Variants in ZIM2 observed in about 807,000 individuals in gnomAD.
ZIM2 encodes zinc finger protein 656.
ZIM2 carries 14 observed loss-of-function variants against 38.6 expected under a neutral mutation model. That is an observed-to-expected ratio of 0.36 (90% CI 0.24 to 0.57). The LOEUF (loss-of-function observed/expected upper bound fraction) is 0.57. Ranked by LOEUF, ZIM2 falls within the 20% of genes least tolerant of loss-of-function variation. The pLI, the probability that ZIM2 is intolerant of heterozygous loss-of-function variation, is 0.81. For missense variants in ZIM2, 680 were observed against 695.1 expected (o/e 0.98, Z 0.24); for synonymous variants, 247 against 245.8 (o/e 1.00, Z -0.04).
intron 12 of ZIM2, among the ~76,000 whole-genome samples, chr19:56,778,586 A>C (rs1156890713): frequency 1.3e-5 from 2 of 152,212 alleles, no homozygotes; most frequent in African/African-American, 4.8e-5. Flanking sequence ...AAAAAAATGC[A>C]TCTAGGATTT....
At position 56,815,681 on chromosome 19, in the gene ZIM2, C is replaced by T. The variant is rs752285045; in HGVS notation, c.490+2065G>A. 8.7e-6 allele frequency: 14 copies of T among 1,613,984 alleles called. No homozygotes were observed. The Admixed American group carries it at 1.0e-4, about 12-fold the overall frequency. ...ACATTTGAGCTGGGAACAGAGAATT[C>T]GCCATCCTTCTTAAACTCACCAGAT... On this transcript the variant is annotated intron_variant, in intron 9 of 12. Transcript: ENST00000629319.
Position 56,814,213 on chromosome 19 carries a change from T to C in ZIM2, c.490+3533A>G. On this transcript the variant is annotated intron_variant, in intron 9 of 12. Transcript: ENST00000629319. The surrounding 1 kb of genome is among the most constrained non-coding windows in gnomAD (Gnocchi z 5.8). ...TGGCTCAGCAGCCTCCACTTCTGGC[T>C]CAGCAGCCTCCACTTCTGGCTCGGC... 1 of 1,613,594 alleles carries C rather than the reference T, an allele frequency of 6.2e-7. No individual in the cohort carries two copies. The highest frequency in any genetic ancestry group is 8.5e-7 in the Non-Finnish European group (1 of 1,179,826).
rs568262074 is a variant in ZIM2, at chr19:56,814,235, C to G, written c.490+3511G>C. The G allele has an allele frequency of 2.5e-6, 4 of 1,612,858 alleles. No homozygotes were observed. The Admixed American group carries it at 6.7e-5, about 27-fold the overall frequency. On this transcript the variant is annotated intron_variant, in intron 9 of 12. Coordinates refer to ENST00000629319, the MANE Select transcript of ZIM2 (RefSeq NM_001387356.1). The surrounding 1 kb of genome is among the most constrained non-coding windows in gnomAD (Gnocchi z 5.8). ...GGCTCAGCAGCCTCCACTTCTGGCT[C>G]GGCAGCCTCCACTTCTGGCTCAGCA... is the stretch of plus-strand genomic sequence containing the variant.
At position 56,815,361 on chromosome 19, in the gene ZIM2, C is replaced by T. The variant is rs762269494; in HGVS notation, c.490+2385G>A. 6 of 1,614,212 alleles carry T rather than the reference C, an allele frequency of 3.7e-6. No individual in the cohort carries two copies. In the South Asian group the frequency reaches 4.4e-5, roughly 12 times the overall value. ...AGTCCTTACATTTGTTCCGCGCTTG[C>T]TCTTTAGCATACTGCTCTTGGGCGT... is the stretch of plus-strand genomic sequence containing the variant. On this transcript the variant is annotated intron_variant, in intron 9 of 12. Coordinates refer to ENST00000629319, the MANE Select transcript of ZIM2 (RefSeq NM_001387356.1).
chr19:56,828,604 G>A, intron 2 of ZIM2, among the ~76,000 whole-genome samples: 1 of 152,186 alleles, frequency 6.6e-6, no homozygotes, highest in Admixed American at 6.5e-5. Context: ...CAACTTTTCT[G>A]CACTATAAAA....
At chr19:56,832,402 G>A (rs758819985) in intron 2 of ZIM2, among the ~76,000 whole-genome samples, 1 of 152,158 alleles carries the variant, frequency 6.6e-6, no homozygotes, top group Admixed American at 6.5e-5. Flanking sequence ...CACGCATCAA[G>A]CTCCACACCC....
In ZIM2 at chr19:56,817,509, G is replaced by A. The variant is rs35291043; in HGVS notation, c.490+237C>T. The A allele has an allele frequency of 1.3e-3, 2,052 of 1,609,858 alleles. 26 individuals carry two copies. In the African/African-American group the frequency reaches 0.023, roughly 18 times the overall value. Reference sequence around the variant, plus strand: ...TGATGAATTTTTCCATTATCACTCCGTGGGAAGATTCATCTTCACAAATCC... The same window carrying A: ...TGATGAATTTTTCCATTATCACTCCATGGGAAGATTCATCTTCACAAATCC... On this transcript the variant is annotated intron_variant, in intron 9 of 12. Coordinates refer to ENST00000629319, the MANE Select transcript of ZIM2 (RefSeq NM_001387356.1).
intron 9 of ZIM2, among the ~76,000 whole-genome samples, chr19:56,795,927 A>C (rs1214588278): frequency 6.6e-6 from 1 of 152,230 alleles, no homozygotes; most frequent in African/African-American, 2.4e-5. Flanking sequence ...GAACTTGAGG[A>C]TAAGTGGTAA....
intron 9 of ZIM2, chr19:56,812,648 C>T: frequency 3.0e-6 from 3 of 985,640 alleles, no homozygotes; most frequent in Non-Finnish European, 3.6e-6. Context: ...TATTAGCCTG[C>T]AACATTATTT....
chr19:56,824,148 C>T (rs2146356707), intron 4 of ZIM2, 114 bp downstream of exon 4: 1 of 1,492,176 alleles, frequency 6.7e-7, no homozygotes. Flanking sequence ...ATCCCCACCG[C>T]TGCCCAGGAC....
chr19:56,827,987 CTTTTGTT>C (rs1271474416), intron 2 of ZIM2, among the ~76,000 whole-genome samples: 2 of 152,150 alleles, frequency 1.3e-5, no homozygotes, highest in Non-Finnish European at 2.9e-5. Context: ...GTATATTCTC[CTTTTGTT>C]TTTTGTTTTT....
Position 56,810,865 on chromosome 19 carries a change from G to C in ZIM2, c.490+6881C>G, listed in dbSNP as rs1296673381. ...TACTTTATTTTCTAATTTTTCCTCTGGGTATGTATTATGCACACCAATGGA... is the reference window on the plus strand; with the variant it reads ...TACTTTATTTTCTAATTTTTCCTCTCGGTATGTATTATGCACACCAATGGA... On this transcript the variant is annotated intron_variant, in intron 9 of 12. Coordinates refer to ENST00000629319, the MANE Select transcript of ZIM2 (RefSeq NM_001387356.1). The C allele has an allele frequency of 4.1e-6, 4 of 965,484 alleles. No individual in the cohort carries two copies. The African/African-American group carries it at 7.0e-5, about 17-fold the overall frequency. The allele number at this position is 965,484 out of a possible 1,614,324, so 59.8% of individuals were successfully genotyped here. A position where few individuals can be genotyped will look rare whatever the true frequency, so the allele number is the denominator to read the frequency against.
chr19:56,808,681 G>C (rs1263854149), intron 9 of ZIM2, among the ~76,000 whole-genome samples: 1 of 152,100 alleles, frequency 6.6e-6, no homozygotes, highest in African/African-American at 2.4e-5. Flanking sequence ...GCAATGTTCT[G>C]ATCCCCAACA....
At chr19:56,827,998 T>C (rs1303743129) in intron 2 of ZIM2, among the ~76,000 whole-genome samples, 1 of 152,262 alleles carries the variant, frequency 6.6e-6, no homozygotes, top group East Asian at 1.9e-4. Context: ...TTTTGTTTTT[T>C]GTTTTTATTT....
intron 7 of ZIM2, among the ~76,000 whole-genome samples, chr19:56,819,898 C>T (rs1398584538): frequency 6.6e-6 from 1 of 152,032 alleles, no homozygotes; most frequent in Non-Finnish European, 1.5e-5. Flanking sequence ...CAAAGAGGTA[C>T]GGGTATCTGG....
In ZIM2 at chr19:56,817,780, T is replaced by A; in HGVS notation, c.456A>T (p.Arg152Ser). 1 of 1,614,134 alleles carries A rather than the reference T, an allele frequency of 6.2e-7. No individual in the cohort carries two copies. Among genetic ancestry groups the A allele is most frequent in the South Asian group, 1.1e-5 (1 of 91,072 alleles). Residue 152 changes from arginine to serine, a missense_variant, in exon 9 of 13, where the codon AGA (arginine) becomes AGT (serine). Arg to Ser is a moderately radical substitution (Grantham distance 110). Transcript: ENST00000629319. Reference sequence around the variant, plus strand: ...TGCTTGGGTAGGCACTTCTCTTGGATCTTGATGAGTGGCCCTGCGTCATGT... The same window carrying A: ...TGCTTGGGTAGGCACTTCTCTTGGAACTTGATGAGTGGCCCTGCGTCATGT... ...HSHMTQGHSS[R>S]SKRSAYPSTS...
At chr19:56,822,279 G>T (rs2060569422) in intron 6 of ZIM2, among the ~76,000 whole-genome samples, 1 of 152,152 alleles carries the variant, frequency 6.6e-6, no homozygotes, top group African/African-American at 2.4e-5. Context: ...CAGCAGTATG[G>T]ACACCAACAA....
chr19:56,795,362 G>A (rs527315331), intron 9 of ZIM2, among the ~76,000 whole-genome samples: 1 of 152,336 alleles, frequency 6.6e-6, no homozygotes, highest in South Asian at 2.1e-4. Context: ...CGCGCTGGAT[G>A]CCTCTTGCGC....
intron 2 of ZIM2, chr19:56,833,346 T>G: frequency 2.7e-6 from 1 of 369,454 alleles, no homozygotes; most frequent in Non-Finnish European, 5.3e-6. Context: ...AGGAGGTTAC[T>G]CTCTTCGTCT....
Sources: gnomAD v4.1 joint callset for allele counts (sites outside exome capture counted in the v4.1 genomes callset) on GRCh38, gnomAD v4.1.1 for gene constraint, Gnocchi (gnomAD v3.1) non-coding constraint, MANE v1.5 for transcripts, NCBI Gene and HGNC (gene_info 2026-07-23, HGNC 2026-07-21) for gene names.